HTR4: variants seen among roughly 807,000 people sequenced by gnomAD.
HTR4 encodes the protein 5-hydroxytryptamine receptor 4, also known as 5-hydroxytryptamine (serotonin) receptor 4, G protein-coupled.
In HTR4, 16 loss-of-function variants were observed where a neutral mutation model predicts 36.8. The observed-to-expected ratio is 0.43, with a 90% CI of 0.29 to 0.66. The LOEUF (loss-of-function observed/expected upper bound fraction) is 0.66. HTR4 is among the 30% of genes least tolerant of loss of function. The pLI is 0.13. For missense variants in HTR4, 438 were observed against 490.9 expected (o/e 0.89, Z 1.02); for synonymous variants, 189 against 185.1 (o/e 1.02, Z -0.17).
intron 4 of HTR4, among the ~76,000 whole-genome samples, chr5:148,544,185 A>G (rs752022969): frequency 6.6e-6 from 1 of 152,070 alleles, no homozygotes; most frequent in Non-Finnish European, 1.5e-5. Context: ...CTACCCCTCA[A>G]ATAACCACCT....
At chr5:148,616,034 A>G (rs891172766) in intron 2 of HTR4, among the ~76,000 whole-genome samples, 1 of 152,210 alleles carries the variant, frequency 6.6e-6, no homozygotes, top group East Asian at 1.9e-4. Context: ...GTGATTAAGA[A>G]GCACACATAG....
intron 5 of HTR4, among the ~76,000 whole-genome samples, chr5:148,515,818 G>GT (rs200787496): frequency 0.013 from 2,026 of 151,870 alleles, 22 homozygotes; most frequent in Middle Eastern, 0.045. Context: ...ACCTGCTGGG[G>GT]TTTTGTAGAG....
At chr5:148,485,536 G>A (rs1008047398) in intron 6 of HTR4, among the ~76,000 whole-genome samples, 2 of 152,184 alleles carry the variant, frequency 1.3e-5, no homozygotes, top group African/African-American at 4.8e-5. Context: ...TGAGAAACCT[G>A]CAGTGTGATG....
chr5:148,593,663 A>G (rs985702411), intron 2 of HTR4, among the ~76,000 whole-genome samples: 2 of 152,182 alleles, frequency 1.3e-5, no homozygotes, highest in African/African-American at 4.8e-5. Context: ...CCACAGCTGA[A>G]TTGATATTTT....
intron 1 of HTR4, among the ~76,000 whole-genome samples, chr5:148,646,671 AG>A (rs1208789054): frequency 1.3e-5 from 2 of 152,332 alleles, no homozygotes; most frequent in African/African-American, 2.4e-5. Context: ...TTAACACAGA[AG>A]AAAGGGATCC....
At chr5:148,596,313 T>C (rs1761769848) in intron 2 of HTR4, among the ~76,000 whole-genome samples, 1 of 152,182 alleles carries the variant, frequency 6.6e-6, no homozygotes, top group Non-Finnish European at 1.5e-5. Context: ...TAATAAATAA[T>C]CCTGATTCAT....
chr5:148,451,877 A>C (rs904644527), intron 5 of HTR4, among the ~76,000 whole-genome samples: 1 of 152,170 alleles, frequency 6.6e-6, no homozygotes, highest in Non-Finnish European at 1.5e-5. Context: ...TCAATATCTT[A>C]ATTGCCTTTA....
rs267600480 is a variant in HTR4, at chr5:148,520,963, C to G, written c.507+2230G>C. The G allele has an allele frequency of 1.1e-5, 15 of 1,367,784 alleles. No individual in the cohort carries two copies. In the South Asian group the frequency reaches 1.5e-4, roughly 13 times the overall value. The allele number at this position is 1,367,784 out of a possible 1,614,324, so 84.7% of individuals were successfully genotyped here. ...CCCAGGCCTTGGTTTAGACTCCTTT[C>G]CTTGAAAAAGAACAAGGCAGGACTA... On this transcript the variant is annotated intron_variant, in intron 5 of 6. Transcript: ENST00000377888.
At chr5:148,602,230 G>A (rs529543174) in intron 2 of HTR4, among the ~76,000 whole-genome samples, 147 of 152,118 alleles carry the variant, frequency 9.7e-4, no homozygotes, top group African/African-American at 3.3e-3. Flanking sequence ...ATGGTTTCAC[G>A]GGTGTATACT....
At chr5:148,484,259 C>T in intron 6 of HTR4, 1 of 1,612,520 alleles carries the variant, frequency 6.2e-7, no homozygotes, top group African/African-American at 1.3e-5. Flanking sequence ...ATCATAGTTA[C>T]CCCAAGACAG....
At chr5:148,564,780 T>A (rs1760364752) in intron 2 of HTR4, among the ~76,000 whole-genome samples, 1 of 152,186 alleles carries the variant, frequency 6.6e-6, no homozygotes, top group Admixed American at 6.6e-5. Flanking sequence ...TTAAGTCTAT[T>A]TTCTAGTCAT....
At chr5:148,498,462 C>G (rs116327306) in intron 6 of HTR4, among the ~76,000 whole-genome samples, 2,939 of 152,102 alleles carry the variant, frequency 0.019, 92 homozygotes, top group African/African-American at 0.068. Context: ...TCAGGAACAC[C>G]TTTCATCAGC....
chr5:148,528,100 T>A (rs981939671), intron 4 of HTR4, among the ~76,000 whole-genome samples: 1 of 152,138 alleles, frequency 6.6e-6, no homozygotes, highest in African/African-American at 2.4e-5. Flanking sequence ...GAATCCTTTA[T>A]CTCCTTTTTT....
At chr5:148,587,589 C>G (rs1761393691) in intron 2 of HTR4, among the ~76,000 whole-genome samples, 1 of 152,142 alleles carries the variant, frequency 6.6e-6, no homozygotes, top group Admixed American at 6.5e-5. Flanking sequence ...GATACTTGCT[C>G]CTCCCATGTA....
rs1179512495 is a variant in HTR4 at position 148,509,875 on chromosome 5, A to G, written c.657T>C (p.Ala219=). The G allele has an allele frequency of 6.2e-7, 1 of 1,613,874 alleles. No homozygotes were observed. The highest frequency in any genetic ancestry group is 1.3e-5 in the African/African-American group (1 of 74,886). The stretch of plus-strand genomic sequence containing the variant: ...TCTGGATCTGATGGGCATGCTCCTT[A>G]GCTGTGACATAGATGCGGTAATAGG... ...VLAYYRIYVT[A]KEHAHQIQML... is the part of the protein sequence containing the mutation. Residue 219 remains alanine (A), a synonymous_variant, in exon 6 of 7, where the codon GCT becomes GCC. Transcript: ENST00000377888.
chr5:148,624,047 C>T (rs1333596904), intron 2 of HTR4, among the ~76,000 whole-genome samples: 1 of 152,084 alleles, frequency 6.6e-6, no homozygotes, highest in Non-Finnish European at 1.5e-5. Flanking sequence ...ACCTAAGGTA[C>T]GGTCAGCTTT....
intron 2 of HTR4, among the ~76,000 whole-genome samples, chr5:148,636,176 C>A (rs1753528691): frequency 6.6e-6 from 1 of 152,104 alleles, no homozygotes; most frequent in African/African-American, 2.4e-5. Context: ...TTTGACAGCT[C>A]CTTTTGTGAT....
chr5:148,512,797 T>G (rs1475042946), intron 5 of HTR4, among the ~76,000 whole-genome samples: 1 of 151,998 alleles, frequency 6.6e-6, no homozygotes. Flanking sequence ...CCAGGCGTGG[T>G]GGCAGGCACC....
chr5:148,481,543 T>C (rs1337613066), downstream of HTR4: 14 of 1,525,528 alleles, frequency 9.2e-6, no homozygotes, highest in Non-Finnish European at 1.2e-5. Flanking sequence ...GGCTTTTTTT[T>C]TTCTTTTTCT....
Sources: allele counts gnomAD v4.1 joint callset (sites outside exome capture counted in the v4.1 genomes callset), GRCh38; gene constraint gnomAD v4.1.1; transcripts MANE v1.5; gene names NCBI Gene and HGNC (gene_info 2026-07-23, HGNC 2026-07-21).